The following KCNK5 variants were observed in gnomAD, a reference collection of about 807,000 sequenced individuals.
KCNK5 encodes potassium channel subfamily K member 5.
Under a neutral mutation model 32.9 loss-of-function variants are expected in KCNK5, and 18 were observed. The observed-to-expected ratio is 0.55, with a 90% CI of 0.38 to 0.81. The LOEUF is 0.81. KCNK5 is among the 30% of genes least tolerant of loss of function. The pLI is 0.00. For missense variants in KCNK5, 507 were observed against 651.0 expected (o/e 0.78, Z 2.41); for synonymous variants, 276 against 275.3 (o/e 1.00, Z -0.03).
rs776308331 is a variant in KCNK5 at position 39,229,093 on chromosome 6, G to C, written c.19C>G (p.Leu7Val). The stretch of plus-strand genomic sequence containing the variant: ...TAGAAGATGATGGCCGAGGTGAGCA[G>C]AGGGCCCCGGTCCACCATGGCTCCC... MVDRGP[L>V]LTSAIIFYLA... The change falls in exon 1 of 5, where the codon CTG becomes GTG. Residue 7 changes from leucine to valine, a missense_variant. This residue lies in a region of KCNK5 where 143 missense variants were observed against 219.1 expected (regional missense o/e 0.65). Transcript: ENST00000359534. The C allele has an allele frequency of 1.9e-6, 3 of 1,614,140 alleles. No individual in the cohort carries two copies. Among genetic ancestry groups the C allele is most frequent in the Non-Finnish European group, 2.5e-6 (3 of 1,180,030 alleles).
At chr6:39,195,289 G>A (rs1028381288) in intron 2 of KCNK5, among the ~76,000 whole-genome samples, 2 of 152,212 alleles carry the variant, frequency 1.3e-5, no homozygotes, top group Admixed American at 6.5e-5. Flanking sequence ...AAACACATGC[G>A]GAGGCCTTGT....
At chr6:39,204,044 C>T (rs569876589) in intron 1 of KCNK5, among the ~76,000 whole-genome samples, 11 of 152,344 alleles carry the variant, frequency 7.2e-5, no homozygotes, top group Admixed American at 5.2e-4. Context: ...CAACCCAGCT[C>T]GCCTGAGCTT....
rs1078570 is a variant in KCNK5, at chr6:39,211,055, C to T, written c.187-15068G>A. Among the ~76,000 whole-genome samples, 559 of 152,234 alleles carry T rather than the reference C, an allele frequency of 3.7e-3. 7 individuals carry two copies. Among genetic ancestry groups the T allele is most frequent in the African/African-American group, 0.012 (503 of 41,512 alleles). ...AACCTGGAAAACTGAAAATTTTAGC[C>T]GTCCCCTTCTTCCATTCCTTCTAGA... On this transcript the variant is annotated intron_variant, in intron 1 of 4. Coordinates refer to ENST00000359534, the MANE Select transcript of KCNK5 (RefSeq NM_003740.4).
At chr6:39,228,702 A>C (rs1276344925) in intron 1 of KCNK5, among the ~76,000 whole-genome samples, 1 of 152,110 alleles carries the variant, frequency 6.6e-6, no homozygotes, top group Non-Finnish European at 1.5e-5. Flanking sequence ...GTCTCCGGCC[A>C]AACTAAGTTC....
At position 39,194,755 on chromosome 6, in the gene KCNK5, CA is replaced by C. The variant is rs765110969; in HGVS notation, c.303del (p.Tyr101Ter). On this transcript the variant is annotated frameshift_variant, in exon 3 of 5. Transcript: ENST00000359534. LOFTEE classifies it high-confidence loss of function. The surrounding 1 kb of genome is among the most constrained non-coding windows in gnomAD (Gnocchi z 4.7). ...FAATVITTIG[Y>X]GNVAPKTPAG... ...GCGGGGGTCTTGGGAGCCACATTGCCATATCCTGAGGAAGGAGAGAGTGAGG... is the reference window on the plus strand; with the variant it reads ...GCGGGGGTCTTGGGAGCCACATTGCCTATCCTGAGGAAGGAGAGAGTGAGG... 1 of 1,613,926 alleles carries C rather than the reference CA, an allele frequency of 6.2e-7. No homozygotes were observed. The highest frequency in any genetic ancestry group is 2.2e-5 in the East Asian group (1 of 44,882).
At chr6:39,201,641 C>T (rs1391555561) in intron 1 of KCNK5, among the ~76,000 whole-genome samples, 4 of 152,220 alleles carry the variant, frequency 2.6e-5, no homozygotes, top group African/African-American at 7.2e-5. Flanking sequence ...AGCTGACCCT[C>T]TTATGTGCGT....
At chr6:39,210,493 AC>A (rs1245040260) in intron 1 of KCNK5, among the ~76,000 whole-genome samples, 1 of 152,194 alleles carries the variant, frequency 6.6e-6, no homozygotes, top group African/African-American at 2.4e-5. Context: ...CTAGCCAGGC[AC>A]CAGCTCCCCG....
In KCNK5 at chr6:39,191,387, G is replaced by C; in HGVS notation, c.1003C>G (p.Pro335Ala). The C allele has an allele frequency of 6.2e-7, 1 of 1,613,420 alleles. No homozygotes were observed. The highest frequency in any genetic ancestry group is 8.5e-7 in the Non-Finnish European group (1 of 1,180,006). ...PGLGPQGGGLPALPPSLVPLV... is the reference protein window; with the variant it reads ...PGLGPQGGGLAALPPSLVPLV... ...GGCACCAGGGAAGGGGGCAGTGCTG[G>C]GAGCCCACCGCCTTGAGGCCCCAGC... Residue 335 changes from proline to alanine, a missense_variant, in exon 5 of 5, where the codon CCA becomes GCA. This residue lies in a region of KCNK5 where 252 missense variants were observed against 250.8 expected (regional missense o/e 1.00). Coordinates refer to ENST00000359534, the MANE Select transcript of KCNK5 (RefSeq NM_003740.4). The surrounding 1 kb of genome is among the most constrained non-coding windows in gnomAD (Gnocchi z 5.8).
intron 4 of KCNK5, among the ~76,000 whole-genome samples, chr6:39,192,608 C>A (rs1770961573): frequency 6.6e-6 from 1 of 152,116 alleles, no homozygotes. Context: ...AACGCTGAAC[C>A]ATTTTTATTT....
Position 39,190,774 on chromosome 6 carries a change from A to AC in KCNK5, c.*115dup. 1 of 1,063,170 alleles carries AC rather than the reference A, an allele frequency of 9.4e-7. No individual in the cohort carries two copies. The highest frequency in any genetic ancestry group is 2.2e-5 in the South Asian group (1 of 45,864). The allele number at this position is 1,063,170 out of a possible 1,614,324, so 65.9% of individuals were successfully genotyped here. A position where few individuals can be genotyped will look rare whatever the true frequency, so the allele number is the denominator to read the frequency against. The stretch of plus-strand genomic sequence containing the variant: ...AGGTTAGGAAGGCCCCTGGCCCCCC[A>AC]CTCCCAGTTCCGAGGCTGCCCCCCC... On this transcript the variant is annotated 3_prime_UTR_variant, in exon 5 of 5. Coordinates refer to ENST00000359534, the MANE Select transcript of KCNK5 (RefSeq NM_003740.4).
At chr6:39,224,731 A>C (rs1180946643) in intron 1 of KCNK5, among the ~76,000 whole-genome samples, 1 of 152,122 alleles carries the variant, frequency 6.6e-6, no homozygotes, top group Non-Finnish European at 1.5e-5. Context: ...TGCTAGACAG[A>C]GGGCAGGACC....
chr6:39,204,731 C>T (rs1000833048), intron 1 of KCNK5, among the ~76,000 whole-genome samples: 11 of 152,230 alleles, frequency 7.2e-5, no homozygotes, highest in Admixed American at 1.3e-4. Flanking sequence ...GGGACTTGAG[C>T]GCAGCCCCAC....
At chr6:39,212,677 C>G (rs764370626) in intron 1 of KCNK5, among the ~76,000 whole-genome samples, 1 of 152,194 alleles carries the variant, frequency 6.6e-6, no homozygotes, top group South Asian at 2.1e-4. Flanking sequence ...AGACCACACC[C>G]CCACCACCTT....
chr6:39,191,426 C>T lies in KCNK5; in HGVS notation c.964G>A (p.Gly322Ser). ...TGAGGCCCCAGCCCTGGGCCCGGGC[C>T]CGTCTCCCCACCCCCGCTTGTCTTC... ...AMKTSGGGET[G>S]PGPGLGPQGG... is the part of the protein sequence containing the mutation. Residue 322 changes from glycine (G) to serine (S), a missense_variant, in exon 5 of 5, where the codon GGC becomes AGC. By Grantham distance (56) the Gly-to-Ser change is moderately conservative. Coordinates refer to ENST00000359534, the MANE Select transcript of KCNK5 (RefSeq NM_003740.4). The surrounding 1 kb of genome is among the most constrained non-coding windows in gnomAD (Gnocchi z 5.8). The T allele has an allele frequency of 6.2e-7, 1 of 1,613,144 alleles. No homozygotes were observed. Among genetic ancestry groups the T allele is most frequent in the Non-Finnish European group, 8.5e-7 (1 of 1,179,934 alleles).
At chr6:39,219,510 C>G (rs2113796935) in intron 1 of KCNK5, among the ~76,000 whole-genome samples, 1 of 152,198 alleles carries the variant, frequency 6.6e-6, no homozygotes, top group Non-Finnish European at 1.5e-5. Context: ...TCCACTCCAG[C>G]CTGGGCAACA....
intron 1 of KCNK5, among the ~76,000 whole-genome samples, chr6:39,215,910 G>C (rs1771425076): frequency 6.6e-6 from 1 of 152,232 alleles, no homozygotes; most frequent in Admixed American, 6.5e-5. Context: ...GATAGTCGTA[G>C]GGGGAGGGGC....
At chr6:39,214,221 G>T (rs1040751039) in intron 1 of KCNK5, among the ~76,000 whole-genome samples, 6 of 152,142 alleles carry the variant, frequency 3.9e-5, no homozygotes, top group Non-Finnish European at 8.8e-5. Context: ...AAAAGTACCT[G>T]CCTCGGCTGT....
rs371463337 is a variant in KCNK5 at position 39,191,456 on chromosome 6, C to A, written c.934G>T (p.Ala312Ser). 60 of 1,613,128 alleles carry A rather than the reference C, an allele frequency of 3.7e-5. No individual in the cohort carries two copies. The East Asian group carries it at 1.0e-3, about 27-fold the overall frequency. The change falls in exon 5 of 5, where the codon GCC (alanine) becomes TCC (serine). Residue 312 changes from alanine (A) to serine (S), a missense_variant. By Grantham distance (99) the Ala-to-Ser change is moderately conservative. Coordinates refer to ENST00000359534, the MANE Select transcript of KCNK5 (RefSeq NM_003740.4). The surrounding 1 kb of genome is among the most constrained non-coding windows in gnomAD (Gnocchi z 5.8). ...NDLIKQIGKKAMKTSGGGETG... is the reference protein window; with the variant it reads ...NDLIKQIGKKSMKTSGGGETG... ...TCCCCACCCCCGCTTGTCTTCATGG[C>A]CTTCTTCCCGATCTGCTTGATGAGG...
chr6:39,197,628 A>G (rs1356059893), intron 1 of KCNK5, among the ~76,000 whole-genome samples: 4 of 152,256 alleles, frequency 2.6e-5, no homozygotes, highest in African/African-American at 7.2e-5. Context: ...AGGACCATCC[A>G]ATGGGTTTCT....
Sources: allele counts gnomAD v4.1 joint callset (sites outside exome capture counted in the v4.1 genomes callset), GRCh38; gene constraint gnomAD v4.1.1; regional missense constraint gnomAD v4.1.1; non-coding constraint Gnocchi (gnomAD v3.1); transcripts MANE v1.5; gene names NCBI Gene and HGNC (gene_info 2026-07-23, HGNC 2026-07-21).